CTNND2: variants seen among roughly 807,000 people sequenced by gnomAD.
CTNND2 encodes catenin delta-2.
Under a neutral mutation model 144.4 loss-of-function variants are expected in CTNND2, and 22 were observed. The ratio of observed to expected loss-of-function variants is 0.15; its 90% confidence interval spans 0.11 to 0.22. The LOEUF is 0.22. CTNND2 is among the 10% of genes least tolerant of loss of function. CTNND2 has a pLI of 1.00. For missense variants in CTNND2, 1,353 were observed against 1,618.8 expected (o/e 0.84, Z 2.82); for synonymous variants, 751 against 695.6 (o/e 1.08, Z -1.25).
chr5:11,130,308 C>A (rs1755456894), intron 12 of CTNND2, among the ~76,000 whole-genome samples: 1 of 152,106 alleles, frequency 6.6e-6, no homozygotes, highest in South Asian at 2.1e-4. Flanking sequence ...GGACGGAGGG[C>A]CCCTCTTTTG....
At chr5:11,358,242 T>C (rs1179173017) in intron 8 of CTNND2, among the ~76,000 whole-genome samples, 2 of 152,160 alleles carry the variant, frequency 1.3e-5, no homozygotes, top group African/African-American at 4.8e-5. Context: ...AGTATGACAG[T>C]TATGATATTT....
chr5:11,083,176 T>C (rs1580235052), intron 15 of CTNND2, among the ~76,000 whole-genome samples: 1 of 152,184 alleles, frequency 6.6e-6, no homozygotes, highest in African/African-American at 2.4e-5. Context: ...GACAAGCGGA[T>C]GTGGCCAGTG....
chr5:11,437,152 C>T (rs1763847270), intron 3 of CTNND2, among the ~76,000 whole-genome samples: 1 of 152,170 alleles, frequency 6.6e-6, no homozygotes, highest in Admixed American at 6.5e-5. Context: ...CTTTTTAAGA[C>T]TGAGTCAATT....
chr5:11,106,572 G>T (rs964703256), intron 14 of CTNND2, among the ~76,000 whole-genome samples: 1 of 152,182 alleles, frequency 6.6e-6, no homozygotes, highest in Non-Finnish European at 1.5e-5. Context: ...CTCTTTGCAG[G>T]GAATGTACAG....
chr5:11,229,689 T>C (rs1000859339), intron 10 of CTNND2, among the ~76,000 whole-genome samples: 9 of 151,798 alleles, frequency 5.9e-5, no homozygotes, highest in Non-Finnish European at 1.2e-4. Flanking sequence ...TATAACTGTG[T>C]ATATATACAC....
chr5:11,634,147 C>G (rs576359879), intron 2 of CTNND2, among the ~76,000 whole-genome samples: 4 of 152,272 alleles, frequency 2.6e-5, no homozygotes, highest in African/African-American at 9.6e-5. Flanking sequence ...CAAGTCTTCT[C>G]TACATTCAAC....
At chr5:11,651,198 C>T (rs758437865) in intron 2 of CTNND2, among the ~76,000 whole-genome samples, 10 of 152,170 alleles carry the variant, frequency 6.6e-5, no homozygotes, top group African/African-American at 1.4e-4. Flanking sequence ...CCAGCCACTC[C>T]AGCTCTAGCC....
At chr5:11,324,253 G>A (rs140756596) in intron 9 of CTNND2, among the ~76,000 whole-genome samples, 7 of 152,172 alleles carry the variant, frequency 4.6e-5, no homozygotes, top group East Asian at 3.9e-4. Context: ...GCAGCAAAAC[G>A]AGCCAAAACA....
chr5:11,565,034 G>A lies in CTNND2; in HGVS notation c.197C>T (p.Thr66Ile), dbSNP rs757462750. ...CTGCCGTTCAGCCTCCAGCTCTCGG[G>A]TCAGCCTTTCAAACTGTAATTCCTG... ...KEQELQFERL[T>I]RELEAERQIV... Residue 66 changes from threonine to isoleucine, a missense_variant, in exon 3 of 22, where the codon ACC becomes ATC. By Grantham distance (89) the Thr-to-Ile change is moderately conservative. Around this residue, in one of 4 missense-constraint regions of CTNND2, gnomAD observed 708 missense variants for 706.4 expected, o/e 1.00. Coordinates refer to ENST00000304623, the MANE Select transcript of CTNND2 (RefSeq NM_001332.4). 3.7e-6 allele frequency: 6 copies of A among 1,613,802 alleles called. No homozygotes were observed. The highest frequency in any genetic ancestry group is 5.1e-6 in the Non-Finnish European group (6 of 1,179,814).
At chr5:11,202,773 C>T (rs1386565597) in intron 10 of CTNND2, among the ~76,000 whole-genome samples, 2 of 151,898 alleles carry the variant, frequency 1.3e-5, no homozygotes, top group Admixed American at 1.3e-4. Flanking sequence ...TCTCCAGGAT[C>T]CTTCCTTTCT....
chr5:11,127,802 G>T (rs1580359803), intron 12 of CTNND2, among the ~76,000 whole-genome samples: 2 of 152,050 alleles, frequency 1.3e-5, no homozygotes, highest in East Asian at 3.9e-4. Context: ...GCTCGGATTT[G>T]GATGATTCAG....
intron 1 of CTNND2, among the ~76,000 whole-genome samples, chr5:11,880,524 A>G (rs1441658967): frequency 6.9e-6 from 1 of 144,784 alleles, no homozygotes; most frequent in African/African-American, 2.6e-5. Flanking sequence ...TACCACTACT[A>G]CTACTACCAC....
chr5:11,369,452 C>T (rs933487501), intron 7 of CTNND2, among the ~76,000 whole-genome samples: 14 of 152,166 alleles, frequency 9.2e-5, no homozygotes, highest in African/African-American at 3.1e-4. Context: ...TTCCTTGAGT[C>T]AACAAGGCTC....
At position 11,229,672 on chromosome 5, in the gene CTNND2, G is replaced by GTGTGTA. The variant is rs764623509; in HGVS notation, c.1761+7018_1761+7019insTACACA. On this transcript the variant is annotated intron_variant, in intron 10 of 21. Transcript: ENST00000304623. ...TGTGTGTGTGTGTGTGTGTGTGTGT[G>GTGTGTA]TATATATATAACTGTGTATATATAC... Among the ~76,000 whole-genome samples, 139 of 147,680 alleles carry GTGTGTA rather than the reference G, an allele frequency of 9.4e-4. 1 individual carries two copies. The highest frequency in any genetic ancestry group is 2.6e-3 in the African/African-American group (104 of 39,960).
At chr5:11,751,440 C>A (rs1788612914) in intron 1 of CTNND2, among the ~76,000 whole-genome samples, 1 of 151,710 alleles carries the variant, frequency 6.6e-6, no homozygotes, top group Non-Finnish European at 1.5e-5. Flanking sequence ...TTTGTGTCCA[C>A]ATGTACTCAA....
rs1787433242 is a variant in CTNND2, at chr5:11,732,275, G to A, written c.38-3C>T. Reference sequence around the variant, plus strand: ...CTGGTCTGGAACAGGCATAGCTCCTGCAAGGCAAGAGGACATGATCAATAC... The same window carrying A: ...CTGGTCTGGAACAGGCATAGCTCCTACAAGGCAAGAGGACATGATCAATAC... On this transcript the variant is annotated splice_region_variant and splice_polypyrimidine_tract_variant and intron_variant, in intron 1 of 21. Coordinates refer to ENST00000304623, the MANE Select transcript of CTNND2 (RefSeq NM_001332.4). 1 of 1,613,158 alleles carries A rather than the reference G, an allele frequency of 6.2e-7. No homozygotes were observed. The highest frequency in any genetic ancestry group is 1.3e-5 in the African/African-American group (1 of 74,998).
chr5:11,176,603 T>C (rs1226169103), intron 11 of CTNND2, among the ~76,000 whole-genome samples: 1 of 152,186 alleles, frequency 6.6e-6, no homozygotes, highest in East Asian at 1.9e-4. Flanking sequence ...GAGATCCTAT[T>C]GAACTATCTA....
intron 11 of CTNND2, among the ~76,000 whole-genome samples, chr5:11,176,137 TA>T (rs1346762135): frequency 6.6e-6 from 1 of 152,198 alleles, no homozygotes; most frequent in Non-Finnish European, 1.5e-5. Flanking sequence ...TTATCAGAAC[TA>T]GTACTGATGC....
chr5:11,831,364 T>C (rs2126962238), intron 1 of CTNND2, among the ~76,000 whole-genome samples: 1 of 151,478 alleles, frequency 6.6e-6, no homozygotes. Flanking sequence ...AACAGACATA[T>C]AGAATGAGGA....
Sources: allele counts gnomAD v4.1 joint callset (sites outside exome capture counted in the v4.1 genomes callset), GRCh38; gene constraint gnomAD v4.1.1; regional missense constraint gnomAD v4.1.1; transcripts MANE v1.5; gene names NCBI Gene and HGNC (gene_info 2026-07-23, HGNC 2026-07-21).